The following CTNNA3 variants were observed in gnomAD, a reference collection of about 807,000 sequenced individuals.
CTNNA3 encodes catenin alpha-3.
In CTNNA3, 76 loss-of-function variants were observed where a neutral mutation model predicts 95.7. The observed-to-expected ratio is 0.79, with a 90% CI of 0.66 to 0.96. CTNNA3 has a LOEUF of 0.96. Among genes scored for constraint, CTNNA3 ranks in the 40% least tolerant of loss-of-function variants. The pLI, the probability that CTNNA3 is intolerant of heterozygous loss-of-function variation, is 0.00. For missense variants in CTNNA3, 1,191 were observed against 1,089.8 expected, an observed-to-expected ratio of 1.09 and a Z score of -1.31; for synonymous variants, 431 against 374.4, an observed-to-expected ratio of 1.15 and a Z score of -1.74.
intron 7 of CTNNA3, among the ~76,000 whole-genome samples, chr10:67,002,930 T>C (rs964214300): frequency 2.0e-5 from 3 of 152,198 alleles, no homozygotes; most frequent in African/African-American, 7.2e-5. Flanking sequence ...GGCTCAAGTT[T>C]TCATTACCTA....
At chr10:66,849,593 G>GT (rs1225316834) in intron 7 of CTNNA3, among the ~76,000 whole-genome samples, 1 of 152,110 alleles carries the variant, frequency 6.6e-6, no homozygotes, top group Non-Finnish European at 1.5e-5. Context: ...CCAGTGACTA[G>GT]TTTACTCATA....
At chr10:65,966,590 G>GT (rs953634814) in intron 17 of CTNNA3, 22 bp downstream of exon 17, 1 of 1,592,344 alleles carries the variant, frequency 6.3e-7, no homozygotes, top group Non-Finnish European at 8.6e-7. Flanking sequence ...CTGTGATCAT[G>GT]TAAGTGCTAG....
chr10:67,206,916 A>T (rs1414236001), intron 6 of CTNNA3, among the ~76,000 whole-genome samples: 1 of 152,136 alleles, frequency 6.6e-6, no homozygotes, highest in African/African-American at 2.4e-5. Context: ...GGATTACTTG[A>T]GGTCAGGCGT....
chr10:67,521,735 A>C (rs1322904049), intron 5 of CTNNA3, 107 bp downstream of exon 5: 2 of 1,383,618 alleles, frequency 1.4e-6, no homozygotes, highest in African/African-American at 2.9e-5. Context: ...ATCTGCTCTA[A>C]CCATTAGAAG....
At chr10:66,241,453 T>A (rs1194558984) in intron 13 of CTNNA3, among the ~76,000 whole-genome samples, 3 of 152,192 alleles carry the variant, frequency 2.0e-5, no homozygotes, top group African/African-American at 7.2e-5. Context: ...CTTACAAATT[T>A]CCTTCAAATG....
intron 2 of CTNNA3, among the ~76,000 whole-genome samples, chr10:67,609,459 A>C (rs1267332535): frequency 6.6e-6 from 1 of 150,920 alleles, no homozygotes; most frequent in African/African-American, 2.4e-5. Context: ...CTAAAAAAAA[A>C]ACTTAAGAAG....
At chr10:66,743,387 CTAGA>C (rs1306424103) in intron 9 of CTNNA3, among the ~76,000 whole-genome samples, 1 of 152,046 alleles carries the variant, frequency 6.6e-6, no homozygotes, top group African/African-American at 2.4e-5. Context: ...GACTTTTTAC[CTAGA>C]TATAGACATT....
intron 5 of CTNNA3, among the ~76,000 whole-genome samples, chr10:67,385,037 T>C (rs950822210): frequency 2.0e-5 from 3 of 152,204 alleles, no homozygotes; most frequent in African/African-American, 7.2e-5. Flanking sequence ...TTATTTTACA[T>C]GCTACTTTGT....
chr10:67,515,509 TTTAA>T (rs951870951), intron 5 of CTNNA3, among the ~76,000 whole-genome samples: 2 of 152,230 alleles, frequency 1.3e-5, no homozygotes, highest in Admixed American at 1.3e-4. Flanking sequence ...TAGCACACTG[TTTAA>T]TAATTCAACA....
At chr10:66,853,973 C>T (rs552764786) in intron 7 of CTNNA3, among the ~76,000 whole-genome samples, 1 of 152,004 alleles carries the variant, frequency 6.6e-6, no homozygotes, top group African/African-American at 2.4e-5. Context: ...AATAAAAAGC[C>T]GCTATTTAAC....
chr10:67,281,561 T>C (rs1452650838), intron 5 of CTNNA3, among the ~76,000 whole-genome samples: 1 of 152,208 alleles, frequency 6.6e-6, no homozygotes, highest in Non-Finnish European at 1.5e-5. Context: ...TGATGGTTTA[T>C]AATTTGCAGA....
chr10:67,629,440 C>G (rs932867763), intron 2 of CTNNA3, among the ~76,000 whole-genome samples: 4 of 152,128 alleles, frequency 2.6e-5, no homozygotes, highest in Non-Finnish European at 5.9e-5. Context: ...CTGGAATACA[C>G]GGCAGATACG....
At chr10:67,436,816 A>C (rs907192257) in intron 5 of CTNNA3, among the ~76,000 whole-genome samples, 3 of 152,148 alleles carry the variant, frequency 2.0e-5, no homozygotes, top group Non-Finnish European at 4.4e-5. Flanking sequence ...CAAAAAATCA[A>C]AAAACAGTAG....
intron 7 of CTNNA3, among the ~76,000 whole-genome samples, chr10:66,851,544 C>T (rs1019810331): frequency 4.0e-5 from 6 of 151,886 alleles, no homozygotes; most frequent in Admixed American, 6.6e-5. Flanking sequence ...GCACCATCCG[C>T]GTGGTGCTCT....
In CTNNA3 at chr10:66,074,248, A is replaced by C. The variant is rs138054822; in HGVS notation, c.1978-4759T>G. Among the ~76,000 whole-genome samples, 1,066 of 151,708 alleles carry C rather than the reference A, an allele frequency of 7.0e-3. 7 individuals carry two copies. Among genetic ancestry groups the C allele is most frequent in the South Asian group, 0.038 (182 of 4,818 alleles). ...AAATATATATATATATATTTCTATA[A>C]ATTTATTCATGTTTTTCTATAAACA... On this transcript the variant is annotated intron_variant, in intron 14 of 17. Transcript: ENST00000433211.
intron 7 of CTNNA3, among the ~76,000 whole-genome samples, chr10:67,159,081 A>C (rs1861427960): frequency 6.6e-6 from 1 of 152,204 alleles, no homozygotes; most frequent in Admixed American, 6.5e-5. Flanking sequence ...ATCAACTCAT[A>C]ACTTAAAAAT....
intron 11 of CTNNA3, among the ~76,000 whole-genome samples, chr10:66,399,183 G>A (rs891931355): frequency 1.3e-5 from 2 of 150,722 alleles, no homozygotes; most frequent in East Asian, 4.0e-4. Flanking sequence ...GTTGACATAA[G>A]CTTTGTTTTC....
intron 13 of CTNNA3, among the ~76,000 whole-genome samples, chr10:66,249,463 G>T (rs2090463223): frequency 6.6e-6 from 1 of 152,110 alleles, no homozygotes; most frequent in African/African-American, 2.4e-5. Flanking sequence ...GTGGGCAAAA[G>T]ATCTGAATAA....
At chr10:67,313,426 C>T (rs370129101) in intron 5 of CTNNA3, among the ~76,000 whole-genome samples, 6 of 148,872 alleles carry the variant, frequency 4.0e-5, no homozygotes, top group African/African-American at 1.5e-4. Flanking sequence ...AGCGAGAATC[C>T]GTCTCAAAAA....
Sources: allele counts gnomAD v4.1 joint callset (sites outside exome capture counted in the v4.1 genomes callset), GRCh38; gene constraint gnomAD v4.1.1; transcripts MANE v1.5; gene names NCBI Gene and HGNC (gene_info 2026-07-23, HGNC 2026-07-21).